EXOC6B: variants seen among roughly 807,000 people sequenced by gnomAD.
EXOC6B encodes the protein SEC15 homolog B.
EXOC6B carries 54 observed loss-of-function variants against 113.5 expected under a neutral mutation model. The ratio of observed to expected loss-of-function variants is 0.48; its 90% CI spans 0.38 to 0.60. EXOC6B has a LOEUF of 0.60. EXOC6B is among the 20% of genes least tolerant of loss of function. The pLI, the probability that EXOC6B is intolerant of heterozygous loss-of-function variation, is 0.00. For missense variants in EXOC6B, 797 were observed against 977.5 expected (o/e 0.82, Z 2.46); for synonymous variants, 357 against 339.0 (o/e 1.05, Z -0.58).
chr2:72,541,575 T>C (rs1050715639), intron 8 of EXOC6B, among the ~76,000 whole-genome samples: 15 of 152,168 alleles, frequency 9.9e-5, no homozygotes, highest in South Asian at 2.1e-4. Flanking sequence ...TAAATGTGGA[T>C]GGGTTATGGA....
chr2:72,484,124 A>C (rs1300229646), intron 16 of EXOC6B, among the ~76,000 whole-genome samples: 1 of 151,376 alleles, frequency 6.6e-6, no homozygotes. Context: ...GGTACATAGC[A>C]CACCTTGGAG....
In EXOC6B at chr2:72,550,904, A is replaced by ATTT. The variant is rs1463200496; in HGVS notation, c.915+8546_915+8548dup. On this transcript the variant is annotated intron_variant, in intron 8 of 21. Coordinates refer to ENST00000272427, the MANE Select transcript of EXOC6B (RefSeq NM_015189.3). ...ACATAACAATTACGAGATAACTGCCATTTATTTTTTTTTTATTTTTTTTTT... is the reference window on the plus strand; with the variant it reads ...ACATAACAATTACGAGATAACTGCCATTTTTTATTTTTTTTTTATTTTTTTTTT... 6.7e-4 allele frequency among the ~76,000 whole-genome samples: 100 copies of ATTT among 149,696 alleles called. 2 individuals carry two copies. The highest frequency in any genetic ancestry group is 2.3e-3 in the African/African-American group (94 of 40,576).
At chr2:72,752,799 T>G (rs1172924176) in intron 1 of EXOC6B, among the ~76,000 whole-genome samples, 1 of 152,156 alleles carries the variant, frequency 6.6e-6, no homozygotes, top group Admixed American at 6.5e-5. Flanking sequence ...ATCATTTACT[T>G]GACTCCACTT....
At chr2:72,768,721 T>C (rs1683248067) in intron 1 of EXOC6B, among the ~76,000 whole-genome samples, 1 of 151,676 alleles carries the variant, frequency 6.6e-6, no homozygotes, top group South Asian at 2.1e-4. Flanking sequence ...GCAGAAGCAA[T>C]ACTTAAAGAC....
Position 72,821,680 on chromosome 2 carries a change from T to G in EXOC6B, c.113+4118A>C, listed in dbSNP as rs189751865. 6.2e-4 allele frequency among the ~76,000 whole-genome samples: 94 copies of G among 152,202 alleles called. 1 individual carries two copies. Among genetic ancestry groups the G allele is most frequent in the Non-Finnish European group, 7.4e-5 (5 of 67,946 alleles). On this transcript the variant is annotated intron_variant, in intron 1 of 21. Coordinates refer to ENST00000272427, the MANE Select transcript of EXOC6B (RefSeq NM_015189.3). ...TACATGCTACCACATAGATGAACCT[T>G]GAAAACATTCAGTTACCAAAAAAAC...
intron 17 of EXOC6B, among the ~76,000 whole-genome samples, chr2:72,468,578 T>G (rs778783775): frequency 6.6e-6 from 1 of 152,206 alleles, no homozygotes; most frequent in Non-Finnish European, 1.5e-5. Context: ...GGTAGACTGA[T>G]GCTTCCAGCT....
intron 1 of EXOC6B, among the ~76,000 whole-genome samples, chr2:72,824,849 T>C (rs576163774): frequency 6.6e-6 from 1 of 152,252 alleles, no homozygotes; most frequent in South Asian, 2.1e-4. Context: ...AATCCCCAGC[T>C]GAGGCAAAAC....
intron 20 of EXOC6B, among the ~76,000 whole-genome samples, chr2:72,284,114 T>A (rs1397798158): frequency 1.3e-5 from 2 of 152,140 alleles, no homozygotes; most frequent in Non-Finnish European, 2.9e-5. Flanking sequence ...AGAAGGATAC[T>A]TCCTAATTTG....
intron 19 of EXOC6B, among the ~76,000 whole-genome samples, chr2:72,337,385 G>C (rs1688751771): frequency 6.6e-6 from 1 of 152,120 alleles, no homozygotes; most frequent in African/African-American, 2.4e-5. Context: ...CCCTACTTGT[G>C]TCAAATGGCA....
chr2:72,579,222 C>A (rs1453012235), intron 6 of EXOC6B, among the ~76,000 whole-genome samples: 1 of 152,092 alleles, frequency 6.6e-6, no homozygotes, highest in Non-Finnish European at 1.5e-5. Flanking sequence ...GATGACTAAA[C>A]AGTGGGGCCA....
intron 11 of EXOC6B, among the ~76,000 whole-genome samples, chr2:72,509,573 A>T (rs1393283991): frequency 6.6e-6 from 1 of 152,146 alleles, no homozygotes; most frequent in Admixed American, 6.5e-5. Context: ...TTAACTACTC[A>T]AAAACGTTAA....
At chr2:72,814,744 C>G (rs748482630) in intron 1 of EXOC6B, among the ~76,000 whole-genome samples, 1 of 152,216 alleles carries the variant, frequency 6.6e-6, no homozygotes, top group Non-Finnish European at 1.5e-5. Flanking sequence ...GTAATCCCAG[C>G]ACTTTGGGAG....
rs557146367 is a variant in EXOC6B, at chr2:72,683,848, T to C, written c.669+34255A>G. ...CATTTAGTTTATCATTCCACCTTTTTTTCTTTGTGCTTTCTTCACCCATTG... is the reference window on the plus strand; with the variant it reads ...CATTTAGTTTATCATTCCACCTTTTCTTCTTTGTGCTTTCTTCACCCATTG... On this transcript the variant is annotated intron_variant, in intron 6 of 21. Coordinates refer to ENST00000272427, the MANE Select transcript of EXOC6B (RefSeq NM_015189.3). 1.2e-4 allele frequency among the ~76,000 whole-genome samples: 19 copies of C among 152,352 alleles called. No individual in the cohort carries two copies. The South Asian group carries it at 3.9e-3, about 32-fold the overall frequency.
chr2:72,724,160 T>C (rs554574509), intron 5 of EXOC6B, among the ~76,000 whole-genome samples: 53 of 151,912 alleles, frequency 3.5e-4, no homozygotes, highest in African/African-American at 1.3e-3. Flanking sequence ...AGGACAGGCA[T>C]AGAGAAAGTG....
intron 18 of EXOC6B, among the ~76,000 whole-genome samples, chr2:72,458,735 C>A (rs1038783444): frequency 1.3e-5 from 2 of 152,066 alleles, no homozygotes; most frequent in Admixed American, 1.3e-4. Flanking sequence ...AAGTTCACAA[C>A]TCTACAGGTA....
chr2:72,726,564 C>T (rs9653556), intron 5 of EXOC6B, among the ~76,000 whole-genome samples: 4 of 152,148 alleles, frequency 2.6e-5, no homozygotes, highest in African/African-American at 9.6e-5. Context: ...GAGTTTTTCT[C>T]TTTAATTTTT....
rs532263284 is a variant in EXOC6B, at chr2:72,251,522, T to C, written c.2197-67335A>G. The stretch of plus-strand genomic sequence containing the variant: ...AAGATGGGTAGAACCACTAAGAGGT[T>C]AGTTAGTGGGATACATGTGAGAGTT... On this transcript the variant is annotated intron_variant, in intron 20 of 21. Transcript: ENST00000272427. 7.2e-5 allele frequency among the ~76,000 whole-genome samples: 11 copies of C among 152,308 alleles called. 1 individual carries two copies. The highest frequency in any genetic ancestry group is 2.6e-4 in the African/African-American group (11 of 41,570).
At chr2:72,400,130 A>G (rs895629236) in intron 18 of EXOC6B, among the ~76,000 whole-genome samples, 5 of 152,194 alleles carry the variant, frequency 3.3e-5, no homozygotes, top group Admixed American at 2.6e-4. Flanking sequence ...ATAAAGTCAC[A>G]TATCTATAAC....
intron 6 of EXOC6B, among the ~76,000 whole-genome samples, chr2:72,606,904 C>T (rs1670791574): frequency 6.6e-6 from 1 of 152,106 alleles, no homozygotes; most frequent in Non-Finnish European, 1.5e-5. Flanking sequence ...AGCCACCATG[C>T]CCAGCCAACT....
Sources: gnomAD v4.1 joint callset for allele counts (sites outside exome capture counted in the v4.1 genomes callset) on GRCh38, gnomAD v4.1.1 for gene constraint, MANE v1.5 for transcripts, NCBI Gene and HGNC (gene_info 2026-07-23, HGNC 2026-07-21) for gene names.